Variants in ATXN7 observed in about 807,000 individuals in gnomAD.
The protein encoded by ATXN7 is ataxin 7, also known as ataxin-7.
ATXN7 carries 12 observed loss-of-function variants against 70.5 expected under a neutral mutation model. The observed-to-expected ratio is 0.17, with a 90% confidence interval of 0.11 to 0.28. The LOEUF (loss-of-function observed/expected upper bound fraction) is 0.28. ATXN7 is among the 10% of genes least tolerant of loss of function. The pLI is 1.00. For missense variants in ATXN7, 1,256 were observed against 1,131.7 expected (o/e 1.11, Z -1.58); for synonymous variants, 498 against 448.7 (o/e 1.11, Z -1.39).
chr3:63,953,565 A>AGG (rs1322233740), intron 5 of ATXN7, among the ~76,000 whole-genome samples: 1 of 152,010 alleles, frequency 6.6e-6, no homozygotes, highest in Non-Finnish European at 1.5e-5. Flanking sequence ...GGACAGAAGT[A>AGG]GGGGGAATAG....
chr3:63,878,882 C>A (rs1471458746), intron 1 of ATXN7, among the ~76,000 whole-genome samples: 1 of 152,128 alleles, frequency 6.6e-6, no homozygotes, highest in African/African-American at 2.4e-5. Flanking sequence ...ATTCTCCTCT[C>A]TGACTTTTTT....
At chr3:63,865,862 TCCAGCCTGG>T (rs1304631829) in intron 1 of ATXN7, among the ~76,000 whole-genome samples, 1 of 110,538 alleles carries the variant, frequency 9.0e-6, no homozygotes, top group African/African-American at 3.5e-5. Flanking sequence ...GCCACTGCAC[TCCAGCCTGG>T]GCGACAGAGC....
At position 63,864,122 on chromosome 3, in the gene ATXN7, C is replaced by T. The variant is rs1227613627; in HGVS notation, c.-147C>T. The stretch of plus-strand genomic sequence containing the variant: ...CCTTGCAGCCCCCGCCCGGCCCACG[C>T]CCAGAGGCCGCCCCGGAGGCCGCAG... On this transcript the variant is annotated 5_prime_UTR_variant, in exon 1 of 13. Transcript: ENST00000674280. 1.3e-5 allele frequency among the ~76,000 whole-genome samples: 2 copies of T among 148,314 alleles called. No homozygotes were observed. The highest frequency in any genetic ancestry group is 3.0e-5 in the Non-Finnish European group (2 of 66,706).
chr3:63,983,055 C>T (rs1312811289), intron 8 of ATXN7, 34 bp downstream of exon 8: 6 of 1,539,234 alleles, frequency 3.9e-6, no homozygotes, highest in Non-Finnish European at 5.4e-6. Flanking sequence ...GTCGACCATC[C>T]TGATAAACAT....
chr3:63,872,197 A>G (rs1702616086), intron 1 of ATXN7, among the ~76,000 whole-genome samples: 1 of 152,208 alleles, frequency 6.6e-6, no homozygotes, highest in Admixed American at 6.5e-5. Context: ...TGTTATAGGA[A>G]ACTTTAGGAC....
chr3:63,973,615 C>T (rs986610972), intron 5 of ATXN7, among the ~76,000 whole-genome samples: 4 of 152,174 alleles, frequency 2.6e-5, no homozygotes, highest in Non-Finnish European at 5.9e-5. Flanking sequence ...TGTGCCGCAG[C>T]TTGCCTGTGT....
Position 64,003,440 on chromosome 3 carries a change from AATTTATACT to A in ATXN7, c.*3981_*3989del, listed in dbSNP as rs1457232974. ...TGTAACAAGTTTCTGTAAATAAAAT[AATTTATACT>A]ATTTATAAGAAAAGGTTGTGCTTTG... On this transcript the variant is annotated 3_prime_UTR_variant, in exon 13 of 13. Coordinates refer to ENST00000674280, the MANE Select transcript of ATXN7 (RefSeq NM_001377405.1). The A allele has an allele frequency of 6.6e-6, 1 of 152,160 alleles. No homozygotes were observed. Among genetic ancestry groups the A allele is most frequent in the Non-Finnish European group, 1.5e-5 (1 of 68,030 alleles). 9.4% of individuals were successfully genotyped at this position (152,160 alleles called of 1,614,324 possible).
intron 1 of ATXN7, among the ~76,000 whole-genome samples, chr3:63,884,236 CACACAT>C (rs368606024): frequency 0.066 from 8,090 of 122,340 alleles, 288 homozygotes; most frequent in Admixed American, 0.12. Context: ...CACACACACA[CACACAT>C]ACTCTCACAC....
chr3:63,922,083 T>C (rs988530427), intron 4 of ATXN7, among the ~76,000 whole-genome samples: 3 of 152,140 alleles, frequency 2.0e-5, no homozygotes, highest in Non-Finnish European at 4.4e-5. Flanking sequence ...GCCCAGGCTA[T>C]AGTGCAGTGG....
intron 5 of ATXN7, among the ~76,000 whole-genome samples, chr3:63,968,984 T>C (rs1182729537): frequency 6.6e-6 from 1 of 152,238 alleles, no homozygotes; most frequent in East Asian, 1.9e-4. Flanking sequence ...TAATTGATTT[T>C]TCTGAAAACT....
intron 1 of ATXN7, among the ~76,000 whole-genome samples, chr3:63,897,020 C>T (rs1047787813): frequency 6.6e-6 from 1 of 152,194 alleles, no homozygotes; most frequent in African/African-American, 2.4e-5. Flanking sequence ...CTGAAGGAAT[C>T]ACCATCAGGG....
chr3:63,937,836 G>T (rs1165687976), intron 4 of ATXN7, among the ~76,000 whole-genome samples: 1 of 152,058 alleles, frequency 6.6e-6, no homozygotes, highest in Non-Finnish European at 1.5e-5. Flanking sequence ...TTAATCTTGC[G>T]GTGCCTGCCT....
chr3:63,999,297 A>G (rs1455247883), intron 12 of ATXN7, 153 bp from the exon 13 acceptor site: 1 of 642,586 alleles, frequency 1.6e-6, no homozygotes, highest in Non-Finnish European at 2.7e-6. Flanking sequence ...GCTAAGAACA[A>G]AATCTATAGC....
chr3:63,905,700 A>T (rs555459403), intron 2 of ATXN7: 2 of 152,192 alleles, frequency 1.3e-5, no homozygotes, highest in Non-Finnish European at 2.9e-5. Context: ...TCTCACCAGG[A>T]GCAATTTTGT....
At chr3:63,977,869 A>G (rs2106745860) in intron 5 of ATXN7, among the ~76,000 whole-genome samples, 1 of 152,344 alleles carries the variant, frequency 6.6e-6, no homozygotes, top group Non-Finnish European at 1.5e-5. Context: ...AAGTAAATTA[A>G]AATGTTGAGT....
chr3:63,903,950 A>G (rs1266740453), intron 2 of ATXN7: 2 of 152,232 alleles, frequency 1.3e-5, no homozygotes, highest in South Asian at 4.1e-4. Context: ...TTCAAATGCC[A>G]TAAATTTACC....
chr3:63,977,024 T>C (rs1420267682), intron 5 of ATXN7, among the ~76,000 whole-genome samples: 2 of 152,166 alleles, frequency 1.3e-5, no homozygotes, highest in African/African-American at 4.8e-5. Flanking sequence ...TTATCTGAAA[T>C]TGGATGAAAA....
intron 1 of ATXN7, among the ~76,000 whole-genome samples, chr3:63,892,190 A>G (rs1327134158): frequency 6.6e-6 from 1 of 152,266 alleles, no homozygotes; most frequent in Non-Finnish European, 1.5e-5. Context: ...TTTAACATCT[A>G]TCCTAAGGGA....
intron 3 of ATXN7, 54 bp downstream of exon 3, chr3:63,912,977 T>TCCTCC (rs1704111141): frequency 1.1e-6 from 1 of 873,032 alleles, no homozygotes; most frequent in African/African-American, 2.9e-5. Context: ...CCCTCCTCTC[T>TCCTCC]CCTCCCCTCC....
Sources: allele counts gnomAD v4.1 joint callset (sites outside exome capture counted in the v4.1 genomes callset), GRCh38; gene constraint gnomAD v4.1.1; transcripts MANE v1.5; gene names NCBI Gene and HGNC (gene_info 2026-07-23, HGNC 2026-07-21).